CASR: variants seen among roughly 807,000 people sequenced by gnomAD.
The protein encoded by CASR is calcium sensing receptor, also known as extracellular calcium-sensing receptor.
Under a neutral mutation model 69.1 loss-of-function variants are expected in CASR, and 23 were observed. That is an observed-to-expected ratio of 0.33 (90% CI 0.24 to 0.47). The LOEUF (loss-of-function observed/expected upper bound fraction) is 0.47. CASR is among the 20% of genes least tolerant of loss of function. The pLI is 1.00. For synonymous variants in CASR, 541 were observed against 544.7 expected (o/e 0.99, Z 0.10); for missense variants, 924 against 1,356.1 (o/e 0.68, Z 5.00).
At chr3:122,244,997 G>A (rs1207932461) in intron 1 of CASR, among the ~76,000 whole-genome samples, 1 of 152,036 alleles carries the variant, frequency 6.6e-6, no homozygotes, top group East Asian at 1.9e-4. Context: ...CATATTTTCT[G>A]GTTTAAAAGT....
At chr3:122,244,608 G>A (rs1006463362) in intron 1 of CASR, among the ~76,000 whole-genome samples, 1 of 152,122 alleles carries the variant, frequency 6.6e-6, no homozygotes, top group Non-Finnish European at 1.5e-5. Context: ...TTTGGGGAAG[G>A]TAATGACTCT....
At chr3:122,208,116 T>C (rs2074026875) in intron 1 of CASR, among the ~76,000 whole-genome samples, 2 of 143,614 alleles carry the variant, frequency 1.4e-5, no homozygotes, top group Admixed American at 1.3e-4. Flanking sequence ...TGAGAAACTT[T>C]TTATTTTAAG....
Position 122,282,115 on chromosome 3 carries a change from G to A in CASR, c.1611G>A (p.Val537=), listed in dbSNP as rs1576875688. The A allele has an allele frequency of 6.2e-7, 1 of 1,614,090 alleles. No homozygotes were observed. The highest frequency in any genetic ancestry group is 1.3e-5 in the African/African-American group (1 of 74,930). ...CCTTTGTGCTGTCTGTCCTCCAGGT[G>A]CCCTTCTCCAACTGCAGCCGAGACT... The part of the protein sequence containing the change: ...KILWSGFSRE[V]PFSNCSRDCL... The change falls in exon 6 of 7, where the codon GTG becomes GTA. Residue 537 remains valine (V), a splice_region_variant and synonymous_variant. Coordinates refer to ENST00000639785, the MANE Select transcript of CASR (RefSeq NM_000388.4).
rs746231094 is a variant in CASR, at chr3:122,283,916, C to A, written c.1962C>A (p.Leu654=). ...CCAACCGAGAGCTCTCCTACCTCCT[C>A]CTCTTCTCCCTGCTCTGCTGCTTCT... ...KATNRELSYL[L]LFSLLCCFSS... Residue 654 remains leucine (L), a synonymous_variant, in exon 7 of 7, where the codon CTC becomes CTA. Transcript: ENST00000639785. 3.7e-6 allele frequency: 6 copies of A among 1,613,644 alleles called. No individual in the cohort carries two copies. The highest frequency in any genetic ancestry group is 5.1e-6 in the Non-Finnish European group (6 of 1,179,992).
intron 1 of CASR, among the ~76,000 whole-genome samples, chr3:122,250,066 T>A (rs2074467584): frequency 6.6e-6 from 1 of 152,060 alleles, no homozygotes; most frequent in Non-Finnish European, 1.5e-5. Context: ...AGGAGTCAAG[T>A]ACAAAGAAAA....
At chr3:122,263,536 C>G (rs1375154022) in intron 4 of CASR, among the ~76,000 whole-genome samples, 1 of 152,108 alleles carries the variant, frequency 6.6e-6, no homozygotes, top group Non-Finnish European at 1.5e-5. Flanking sequence ...ACTAGAACAC[C>G]TTTGTATACA....
chr3:122,262,782 A>G lies in CASR; in HGVS notation c.1377+370A>G, dbSNP rs9859289. On this transcript the variant is annotated intron_variant, in intron 4 of 6. Transcript: ENST00000639785. Reference sequence around the variant, plus strand: ...AGTAAGAAGTATTTTTTGAGTACCTATTACATTCCATATACTAAGTGGCAT... The same window carrying G: ...AGTAAGAAGTATTTTTTGAGTACCTGTTACATTCCATATACTAAGTGGCAT... 6.5e-3 allele frequency among the ~76,000 whole-genome samples: 986 copies of G among 152,308 alleles called. 9 individuals are homozygous for G. Among genetic ancestry groups the G allele is most frequent in the African/African-American group, 0.022 (927 of 41,560 alleles).
chr3:122,273,979 C>G (rs1015694812), intron 4 of CASR, among the ~76,000 whole-genome samples: 4 of 152,166 alleles, frequency 2.6e-5, no homozygotes, highest in Non-Finnish European at 1.5e-5. Flanking sequence ...AGAACACCTC[C>G]TCTGCACTGA....
chr3:122,266,564 T>C (rs2074697162), intron 4 of CASR, among the ~76,000 whole-genome samples: 1 of 152,250 alleles, frequency 6.6e-6, no homozygotes, highest in South Asian at 2.1e-4. Flanking sequence ...TTCTACTAGC[T>C]TTTTTTGTTT....
chr3:122,232,716 T>C (rs1229475296), intron 1 of CASR, among the ~76,000 whole-genome samples: 1 of 152,114 alleles, frequency 6.6e-6, no homozygotes, highest in Non-Finnish European at 1.5e-5. Context: ...ATCTTCAAGG[T>C]GAGAGTCTTC....
chr3:122,241,607 T>C (rs968500536), intron 1 of CASR, among the ~76,000 whole-genome samples: 1 of 151,904 alleles, frequency 6.6e-6, no homozygotes, highest in African/African-American at 2.4e-5. Context: ...TAAAGAAGAA[T>C]GAATACCAAT....
Position 122,189,578 on chromosome 3 carries a change from T to C in CASR, c.-243+5766T>C, listed in dbSNP as rs866420981. Reference sequence around the variant, plus strand: ...TCAGTGATGATGGGGGCAAAGGTAATATGATACCTGCAGAGAGGAAACTAA... The same window carrying C: ...TCAGTGATGATGGGGGCAAAGGTAACATGATACCTGCAGAGAGGAAACTAA... On this transcript the variant is annotated intron_variant, in intron 1 of 6. Coordinates refer to ENST00000639785, the MANE Select transcript of CASR (RefSeq NM_000388.4). Among the ~76,000 whole-genome samples, 29 of 152,300 alleles carry C rather than the reference T, an allele frequency of 1.9e-4. No individual in the cohort carries two copies. In the Middle Eastern group the frequency reaches 0.017, roughly 89 times the overall value.
At chr3:122,271,967 T>G (rs1336716843) in intron 4 of CASR, among the ~76,000 whole-genome samples, 2 of 152,232 alleles carry the variant, frequency 1.3e-5, no homozygotes, top group African/African-American at 4.8e-5. Context: ...ACATTTTATT[T>G]ATCTGTTTAC....
chr3:122,273,185 G>A (rs2074778377), intron 4 of CASR, among the ~76,000 whole-genome samples: 1 of 152,196 alleles, frequency 6.6e-6, no homozygotes, highest in South Asian at 2.1e-4. Flanking sequence ...ATTTCAATAA[G>A]GATGTATTAC....
chr3:122,220,609 T>G (rs1242710980), intron 1 of CASR, among the ~76,000 whole-genome samples: 3 of 152,200 alleles, frequency 2.0e-5, no homozygotes, highest in African/African-American at 4.8e-5. Context: ...CGATATTATT[T>G]TTGTCTTCTA....
intron 1 of CASR, among the ~76,000 whole-genome samples, chr3:122,225,885 A>G (rs947687428): frequency 1.7e-4 from 26 of 152,252 alleles, no homozygotes; most frequent in Admixed American, 2.6e-4. Flanking sequence ...ACAGAATACT[A>G]TGCAGCCATA....
chr3:122,237,916 A>C (rs574368307), intron 1 of CASR, among the ~76,000 whole-genome samples: 1 of 152,352 alleles, frequency 6.6e-6, no homozygotes, highest in East Asian at 1.9e-4. Context: ...ATGATGTAGC[A>C]ACTCCACTTC....
intron 1 of CASR, among the ~76,000 whole-genome samples, chr3:122,233,209 G>A (rs943000430): frequency 2.0e-5 from 3 of 152,086 alleles, no homozygotes; most frequent in South Asian, 2.1e-4. Context: ...ACCACAAACC[G>A]CACTCCTGTA....
intron 1 of CASR, among the ~76,000 whole-genome samples, chr3:122,236,467 A>G (rs539092382): frequency 1.3e-5 from 2 of 152,372 alleles, no homozygotes; most frequent in East Asian, 3.9e-4. Context: ...AACAAAATTC[A>G]TAATGAATTT....
Sources: allele counts gnomAD v4.1 joint callset (sites outside exome capture counted in the v4.1 genomes callset), GRCh38; gene constraint gnomAD v4.1.1; transcripts MANE v1.5; gene names NCBI Gene and HGNC (gene_info 2026-07-23, HGNC 2026-07-21).